SORCS1: variants seen among roughly 807,000 people sequenced by gnomAD.
The protein encoded by SORCS1 is sortilin related VPS10 domain containing receptor 1, also known as VPS10 domain-containing receptor SorCS1.
A neutral mutation model predicts 146.1 loss-of-function variants in SORCS1; 60 were observed. The ratio of observed to expected loss-of-function variants is 0.41; its 90% CI spans 0.33 to 0.51. The LOEUF (loss-of-function observed/expected upper bound fraction) is 0.51, where lower values mean the gene tolerates loss of function less well. Ranked by LOEUF, SORCS1 falls within the 20% of genes least tolerant of loss-of-function variation. The pLI is 0.21. For missense variants in SORCS1, 1,352 were observed against 1,487.6 expected (o/e 0.91, Z 1.50); for synonymous variants, 637 against 584.0 (o/e 1.09, Z -1.31).
chr10:107,013,013 G>A (rs1285507104), intron 1 of SORCS1, among the ~76,000 whole-genome samples: 1 of 152,112 alleles, frequency 6.6e-6, no homozygotes, highest in African/African-American at 2.4e-5. Flanking sequence ...ATCTGTCAAT[G>A]TGTCCAATTT....
chr10:106,888,489 C>G (rs958000979), intron 2 of SORCS1, among the ~76,000 whole-genome samples: 2 of 152,120 alleles, frequency 1.3e-5, no homozygotes, highest in Non-Finnish European at 2.9e-5. Context: ...TAGCTAAGTA[C>G]CTGGAAACCA....
chr10:107,109,556 C>T (rs1362158062), intron 1 of SORCS1, among the ~76,000 whole-genome samples: 3 of 152,194 alleles, frequency 2.0e-5, no homozygotes, highest in South Asian at 2.1e-4. Flanking sequence ...CTGGGCCCTG[C>T]CCCTGAAACC....
chr10:106,892,750 T>C (rs779367253), intron 2 of SORCS1, among the ~76,000 whole-genome samples: 9 of 152,178 alleles, frequency 5.9e-5, no homozygotes, highest in Non-Finnish European at 1.0e-4. Flanking sequence ...AACTTCTACA[T>C]GTCTCCAGAT....
intron 1 of SORCS1, among the ~76,000 whole-genome samples, chr10:106,997,808 C>T (rs539848827): frequency 1.3e-5 from 2 of 152,300 alleles, no homozygotes; most frequent in Non-Finnish European, 2.9e-5. Context: ...CACTTCTCTC[C>T]AACACACTAA....
chr10:106,913,888 A>G (rs2138285744), intron 2 of SORCS1, among the ~76,000 whole-genome samples: 1 of 152,300 alleles, frequency 6.6e-6, no homozygotes, highest in East Asian at 1.9e-4. Flanking sequence ...GGCAAAAGTG[A>G]AAAATAAGAG....
At chr10:107,021,644 G>T (rs1958148902) in intron 1 of SORCS1, among the ~76,000 whole-genome samples, 1 of 151,432 alleles carries the variant, frequency 6.6e-6, no homozygotes, top group Non-Finnish European at 1.5e-5. Flanking sequence ...TTCACTAAGA[G>T]CAAGTATGTT....
At chr10:106,694,352 T>C (rs1265755299) in intron 9 of SORCS1, among the ~76,000 whole-genome samples, 1 of 152,148 alleles carries the variant, frequency 6.6e-6, no homozygotes, top group Non-Finnish European at 1.5e-5. Flanking sequence ...CTCCACCTCA[T>C]GGGTGCAAGT....
At chr10:106,893,745 AAG>A (rs1189008738) in intron 2 of SORCS1, among the ~76,000 whole-genome samples, 1 of 152,224 alleles carries the variant, frequency 6.6e-6, no homozygotes, top group South Asian at 2.1e-4. Context: ...AAATAGGAGA[AAG>A]AGTGGAGTTC....
intron 24 of SORCS1, among the ~76,000 whole-genome samples, chr10:106,594,653 C>G (rs546803759): frequency 2.0e-5 from 3 of 152,172 alleles, no homozygotes; most frequent in African/African-American, 7.2e-5. Context: ...TCCTGTTCAA[C>G]AGAGCAAGGT....
chr10:106,725,495 G>A (rs761606232), intron 6 of SORCS1, among the ~76,000 whole-genome samples: 4 of 151,756 alleles, frequency 2.6e-5, no homozygotes, highest in African/African-American at 4.8e-5. Context: ...AGGTTGCAGT[G>A]AGCTGAGATC....
At position 106,891,332 on chromosome 10, in the gene SORCS1, TG is replaced by T. The variant is rs148764837; in HGVS notation, c.627-61660del. The stretch of plus-strand genomic sequence containing the variant: ...AATCTGAAGAAAAAGTATTTTTAGA[TG>T]AACAACAAGTTAGCAAAAAGTTGAT... On this transcript the variant is annotated intron_variant, in intron 2 of 25. Transcript: ENST00000263054. Among the ~76,000 whole-genome samples the T allele has an allele frequency of 9.8e-3, 1,490 of 152,146 alleles. 35 individuals are homozygous for T. The highest frequency in any genetic ancestry group is 0.035 in the African/African-American group (1,433 of 41,498).
chr10:106,824,623 C>T (rs973356814), intron 3 of SORCS1, among the ~76,000 whole-genome samples: 25 of 149,414 alleles, frequency 1.7e-4, no homozygotes, highest in Non-Finnish European at 2.7e-4. Flanking sequence ...ACATGATACA[C>T]AAACTACTCA....
intron 2 of SORCS1, among the ~76,000 whole-genome samples, chr10:106,898,180 G>A (rs928566148): frequency 1.3e-5 from 2 of 152,190 alleles, no homozygotes; most frequent in South Asian, 4.1e-4. Context: ...TATATGGAAA[G>A]GTTTTGAAAC....
chr10:106,924,045 G>A (rs563856377), intron 2 of SORCS1, among the ~76,000 whole-genome samples: 2 of 152,086 alleles, frequency 1.3e-5, no homozygotes, highest in East Asian at 1.9e-4. Context: ...ATCTGAGGTC[G>A]GGAGTTCGAG....
chr10:107,093,797 C>T (rs553377461), intron 1 of SORCS1, among the ~76,000 whole-genome samples: 1 of 152,266 alleles, frequency 6.6e-6, no homozygotes, highest in East Asian at 1.9e-4. Context: ...ATCACTACCT[C>T]TTCCACCATG....
chr10:106,730,690 G>A (rs1856532243), intron 5 of SORCS1, among the ~76,000 whole-genome samples: 1 of 152,066 alleles, frequency 6.6e-6, no homozygotes, highest in African/African-American at 2.4e-5. Context: ...ATATGTGTAA[G>A]CAAAATAAAA....
At position 106,600,510 on chromosome 10, in the gene SORCS1, A is replaced by AT. The variant is rs552811669; in HGVS notation, c.3166-3061dup. 252 of 985,096 alleles carry AT rather than the reference A, an allele frequency of 2.6e-4. No homozygotes were observed. In the African/African-American group the frequency reaches 4.1e-3, roughly 16 times the overall value. 61.0% of individuals were successfully genotyped at this position (985,096 alleles called of 1,614,324 possible). On this transcript the variant is annotated intron_variant, in intron 23 of 25. Transcript: ENST00000263054. ...GAAATGAGTATGAAACTGTTGACAG[A>AT]TTTTGACAATATTTTAGATGTTTTC...
intron 24 of SORCS1, among the ~76,000 whole-genome samples, chr10:106,586,296 C>T (rs768762166): frequency 4.6e-5 from 7 of 152,142 alleles, no homozygotes; most frequent in Non-Finnish European, 1.0e-4. Context: ...CATAGATAAC[C>T]CAGGACAGTC....
At chr10:106,749,936 C>G (rs1402747314) in intron 5 of SORCS1, among the ~76,000 whole-genome samples, 1 of 152,168 alleles carries the variant, frequency 6.6e-6, no homozygotes, top group African/African-American at 2.4e-5. Flanking sequence ...AAACAGGATT[C>G]TGGCAAAGGT....
Sources: allele counts gnomAD v4.1 joint callset (sites outside exome capture counted in the v4.1 genomes callset), GRCh38; gene constraint gnomAD v4.1.1; transcripts MANE v1.5; gene names NCBI Gene and HGNC (gene_info 2026-07-23, HGNC 2026-07-21).